CLVS1: variants seen among roughly 807,000 people sequenced by gnomAD.
CLVS1 encodes clavesin-1.
In CLVS1, 10 loss-of-function variants were observed where a neutral mutation model predicts 33.1. That is an observed-to-expected ratio of 0.30 (90% CI 0.19 to 0.51). The LOEUF (loss-of-function observed/expected upper bound fraction) is 0.51, where lower values mean the gene tolerates loss of function less well. CLVS1 is among the 20% of genes least tolerant of loss of function. The pLI, the probability that CLVS1 is intolerant of heterozygous loss-of-function variation, is 0.97. For synonymous variants in CLVS1, 163 were observed against 166.1 expected (o/e 0.98, Z 0.14); for missense variants, 343 against 433.4 (o/e 0.79, Z 1.85).
the CLVS1 span, among the ~76,000 whole-genome samples, chr8:60,973,617 G>T: frequency 6.6e-6 from 1 of 152,202 alleles, no homozygotes; most frequent in African/African-American, 2.4e-5. Context: ...CTGGAAGAGG[G>T]CCAAGGGAGC....
chr8:61,317,491 G>T (rs188931214), intron 2 of CLVS1, among the ~76,000 whole-genome samples: 63 of 152,202 alleles, frequency 4.1e-4, no homozygotes, highest in Admixed American at 4.1e-3. Flanking sequence ...TTAATTCCAA[G>T]AAGTGGAATT....
intron 2 of CLVS1, among the ~76,000 whole-genome samples, chr8:61,341,656 G>T (rs1224984637): frequency 6.6e-6 from 1 of 152,168 alleles, no homozygotes; most frequent in Admixed American, 6.6e-5. Context: ...CACTAAGATG[G>T]ACATTTCCCC....
rs1230022961 is a variant in CLVS1, at chr8:61,202,822, C to A, written c.-152+70962C>A. 5 of 1,146,562 alleles carry A rather than the reference C, an allele frequency of 4.4e-6. No homozygotes were observed. In the Admixed American group the frequency reaches 8.6e-5, roughly 20 times the overall value. The allele number at this position is 1,146,562 out of a possible 1,614,324, so 71.0% of individuals were successfully genotyped here. The stretch of plus-strand genomic sequence containing the variant: ...CAAGCTTCCACAGAAAAAAGTAAAA[C>A]TTGCTGCTGATGAAGATGATGATGA... On this transcript the variant is annotated intron_variant, in intron 2 of 2. Coordinates refer to the CLVS1 transcript ENST00000522621.
At chr8:60,998,888 T>C in the CLVS1 span, among the ~76,000 whole-genome samples, 1 of 152,192 alleles carries the variant, frequency 6.6e-6, no homozygotes, top group African/African-American at 2.4e-5. Flanking sequence ...TTCTTTTTCT[T>C]TTTTCAGTAT....
intron 2 of CLVS1, among the ~76,000 whole-genome samples, chr8:61,348,037 T>A (rs1812300021): frequency 6.6e-6 from 1 of 151,864 alleles, no homozygotes; most frequent in South Asian, 2.1e-4. Context: ...ATAGTCAGCA[T>A]GTTGTATAAT....
Position 61,327,498 on chromosome 8 carries a change from G to A in CLVS1, c.455+27216G>A, listed in dbSNP as rs186222441. ...ACGTCTACATATTATCTACTTTCCC[G>A]TCACTAGTTCAGATCATTACATTTA... On this transcript the variant is annotated intron_variant, in intron 2 of 5. Coordinates refer to ENST00000325897, the MANE Select transcript of CLVS1 (RefSeq NM_173519.3). Among the ~76,000 whole-genome samples the A allele has an allele frequency of 5.8e-4, 89 of 152,158 alleles. 1 individual carries two copies. The highest frequency in any genetic ancestry group is 3.2e-3 in the Admixed American group (49 of 15,288).
intron 2 of CLVS1, among the ~76,000 whole-genome samples, chr8:61,369,512 G>C (rs1813347992): frequency 6.6e-6 from 1 of 152,056 alleles, no homozygotes; most frequent in Admixed American, 6.5e-5. Flanking sequence ...AAGCTCACCT[G>C]GAAACAAAAC....
chr8:61,083,168 A>T (rs570206386), intron 1 of CLVS1, among the ~76,000 whole-genome samples: 1 of 152,296 alleles, frequency 6.6e-6, no homozygotes, highest in African/African-American at 2.4e-5. Flanking sequence ...GAAGGAAAAA[A>T]TGAAGGGAAA....
chr8:61,423,714 G>A (rs536038452), intron 3 of CLVS1, among the ~76,000 whole-genome samples: 11 of 152,230 alleles, frequency 7.2e-5, no homozygotes, highest in African/African-American at 2.4e-4. Context: ...GGGCATATGG[G>A]TACTGCCCAC....
intron 1 of CLVS1, among the ~76,000 whole-genome samples, chr8:61,098,622 G>A (rs1263293358): frequency 1.6e-4 from 25 of 152,076 alleles, no homozygotes; most frequent in Non-Finnish European, 4.4e-5. Flanking sequence ...ACACTCCTGG[G>A]AGGTGGATTG....
intron 1 of CLVS1, among the ~76,000 whole-genome samples, chr8:61,059,457 C>T (rs1304827009): frequency 2.8e-5 from 2 of 71,110 alleles, no homozygotes; most frequent in African/African-American, 1.0e-4. Flanking sequence ...TATACACACA[C>T]ATATACATAC....
At chr8:61,484,606 A>G (rs6998184) in intron 5 of CLVS1, among the ~76,000 whole-genome samples, 6 of 152,230 alleles carry the variant, frequency 3.9e-5, no homozygotes, top group African/African-American at 1.4e-4. Flanking sequence ...TAAAGTTCAT[A>G]TGGAACCAAA....
At chr8:61,098,877 A>G (rs1029928129) in intron 1 of CLVS1, among the ~76,000 whole-genome samples, 14 of 152,198 alleles carry the variant, frequency 9.2e-5, no homozygotes, top group Non-Finnish European at 1.8e-4. Context: ...CAGTTTGCCA[A>G]AAATGAAGCA....
chr8:61,441,324 A>G (rs1228828257), intron 3 of CLVS1, among the ~76,000 whole-genome samples: 1 of 152,194 alleles, frequency 6.6e-6, no homozygotes, highest in Non-Finnish European at 1.5e-5. Flanking sequence ...CACTAAAGGG[A>G]AGGAGACAGA....
At chr8:61,002,146 T>G in the CLVS1 span, among the ~76,000 whole-genome samples, 1 of 150,940 alleles carries the variant, frequency 6.6e-6, no homozygotes, top group Non-Finnish European at 1.5e-5. Flanking sequence ...GCCTGGCTAA[T>G]TTTTGTATTT....
chr8:61,240,652 T>A (rs1330289189), intron 2 of CLVS1, among the ~76,000 whole-genome samples: 12 of 152,224 alleles, frequency 7.9e-5, no homozygotes, highest in Admixed American at 7.9e-4. Context: ...ACATATTGAT[T>A]CCAATGGTAA....
the CLVS1 span, among the ~76,000 whole-genome samples, chr8:60,986,678 A>C: frequency 6.6e-6 from 1 of 152,232 alleles, no homozygotes; most frequent in Admixed American, 6.5e-5. Flanking sequence ...AACATGGTAA[A>C]CATTACTCCC....
intron 1 of CLVS1, among the ~76,000 whole-genome samples, chr8:61,094,290 TTCTAA>T (rs1805308156): frequency 6.6e-6 from 1 of 152,092 alleles, no homozygotes; most frequent in African/African-American, 2.4e-5. Flanking sequence ...ACCACTATGG[TTCTAA>T]TGCAAGGACT....
At chr8:61,246,512 A>G (rs1808813829) in intron 2 of CLVS1, among the ~76,000 whole-genome samples, 1 of 152,174 alleles carries the variant, frequency 6.6e-6, no homozygotes, top group Non-Finnish European at 1.5e-5. Flanking sequence ...TTTTAGTTCT[A>G]CGTGTAAAAT....
Sources: gnomAD v4.1 joint callset for allele counts (sites outside exome capture counted in the v4.1 genomes callset) on GRCh38, gnomAD v4.1.1 for gene constraint, MANE v1.5 for transcripts, NCBI Gene and HGNC (gene_info 2026-07-23, HGNC 2026-07-21) for gene names.